The following NWD1 variants were observed in gnomAD, a reference collection of about 807,000 sequenced individuals.
NWD1 encodes NACHT and WD repeat domain containing 1, also known as NACHT domain- and WD repeat-containing protein 1.
Under a neutral mutation model 135.1 loss-of-function variants are expected in NWD1, and 129 were observed. That is an observed-to-expected ratio of 0.96 (90% CI 0.83 to 1.11). The LOEUF is 1.11. Among genes scored for constraint, NWD1 ranks in the 50% least tolerant of loss-of-function variants. The pLI is 0.00. For missense variants in NWD1, 1,740 were observed against 1,851.3 expected (o/e 0.94, Z 1.10); for synonymous variants, 773 against 786.0 (o/e 0.98, Z 0.28).
chr19:16,810,343 C>A (rs1970886326), intron 18 of NWD1, among the ~76,000 whole-genome samples: 1 of 145,924 alleles, frequency 6.9e-6, no homozygotes, highest in Admixed American at 7.3e-5. Flanking sequence ...GAGGCCGAGG[C>A]AGGAGAATCA....
chr19:16,793,111 G>T (rs1297318325), intron 14 of NWD1, among the ~76,000 whole-genome samples: 1 of 149,654 alleles, frequency 6.7e-6, no homozygotes, highest in Admixed American at 6.6e-5. Flanking sequence ...AAATCCCAAA[G>T]CTCCACATTT....
chr19:16,752,867 C>G (rs1425264790), intron 6 of NWD1, among the ~76,000 whole-genome samples: 1 of 152,148 alleles, frequency 6.6e-6, no homozygotes, highest in Non-Finnish European at 1.5e-5. Context: ...GGCGTGGTGG[C>G]TCACACCTGT....
intron 5 of NWD1, 158 bp downstream of exon 5, chr19:16,744,876 T>C (rs1968241395): frequency 1.5e-6 from 1 of 676,412 alleles, no homozygotes. Flanking sequence ...GCTGTTTTAC[T>C]GATCCAAGAT....
chr19:16,798,088 G>A (rs1311218803), intron 16 of NWD1, among the ~76,000 whole-genome samples: 3 of 152,128 alleles, frequency 2.0e-5, no homozygotes, highest in African/African-American at 7.2e-5. Flanking sequence ...TTCAACAAAG[G>A]AGGTAGCATT....
intron 10 of NWD1, among the ~76,000 whole-genome samples, chr19:16,772,616 A>T (rs1337556282): frequency 6.6e-6 from 1 of 152,156 alleles, no homozygotes; most frequent in Non-Finnish European, 1.5e-5. Context: ...ATTGCACTCC[A>T]ACCTAGGTGA....
chr19:16,728,683 A>G (rs948913196), intron 2 of NWD1, among the ~76,000 whole-genome samples: 10 of 151,282 alleles, frequency 6.6e-5, no homozygotes, highest in Non-Finnish European at 1.2e-4. Context: ...AGTGGCTCAC[A>G]CCTGTAATCC....
intron 16 of NWD1, among the ~76,000 whole-genome samples, chr19:16,798,193 G>T (rs759713624): frequency 1.5e-4 from 23 of 152,158 alleles, no homozygotes; most frequent in Non-Finnish European, 3.2e-4. Flanking sequence ...GTTCAAAGTT[G>T]TCCAAGCTGG....
intron 12 of NWD1, among the ~76,000 whole-genome samples, chr19:16,788,404 C>G (rs1416397969): frequency 1.3e-5 from 2 of 150,358 alleles, no homozygotes; most frequent in Non-Finnish European, 3.0e-5. Context: ...CCCGTCTCCA[C>G]TAAAAATAGA....
intron 12 of NWD1, 112 bp from the exon 13 acceptor site, chr19:16,788,870 T>C: frequency 1.3e-6 from 1 of 750,638 alleles, no homozygotes; most frequent in Non-Finnish European, 2.3e-6. Flanking sequence ...TTCAATTCCA[T>C]CCATCTTTTC....
chr19:16,813,687 G>A (rs1970991195), intron 18 of NWD1, among the ~76,000 whole-genome samples: 3 of 150,786 alleles, frequency 2.0e-5, no homozygotes, highest in African/African-American at 7.4e-5. Context: ...ATGTTGGCCA[G>A]GCTGGTCTTG....
At chr19:16,812,171 G>A (rs1456629840) in intron 18 of NWD1, among the ~76,000 whole-genome samples, 2 of 151,942 alleles carry the variant, frequency 1.3e-5, no homozygotes, top group Non-Finnish European at 2.9e-5. Flanking sequence ...AGCCAGGTGT[G>A]GTGGCACACA....
chr19:16,790,009 T>A (rs10415430), intron 13 of NWD1, among the ~76,000 whole-genome samples: 51 of 152,288 alleles, frequency 3.3e-4, no homozygotes, highest in African/African-American at 1.1e-3. Context: ...TGAGCCATCA[T>A]GCCTAGCTTG....
At chr19:16,724,289 T>C (rs987634057) in intron 1 of NWD1, 77 bp from the exon 2 acceptor site, 2 of 152,242 alleles carry the variant, frequency 1.3e-5, no homozygotes, top group African/African-American at 4.8e-5. Context: ...TTAATTTTGA[T>C]CTGCTAACAC....
At chr19:16,768,462 A>C (rs8104526) in intron 10 of NWD1, among the ~76,000 whole-genome samples, 71,727 of 152,092 alleles carry the variant, frequency 0.47, 19,289 homozygotes, top group African/African-American at 0.74. Context: ...GATCACATGG[A>C]AATTTTGTGT....
At chr19:16,766,016 C>CAA (rs35265751) in intron 10 of NWD1, among the ~76,000 whole-genome samples, 30 of 91,726 alleles carry the variant, frequency 3.3e-4, no homozygotes, top group Admixed American at 2.1e-3. Flanking sequence ...GACTCCGTCT[C>CAA]AAAAAAAAAA....
intron 12 of NWD1, among the ~76,000 whole-genome samples, chr19:16,786,031 A>G (rs1970029151): frequency 6.6e-6 from 1 of 151,762 alleles, no homozygotes; most frequent in African/African-American, 2.4e-5. Flanking sequence ...CACCCAGCTA[A>G]TTTTTGTATT....
intron 14 of NWD1, among the ~76,000 whole-genome samples, chr19:16,793,242 T>C (rs1970307407): frequency 6.6e-6 from 1 of 151,978 alleles, no homozygotes; most frequent in Non-Finnish European, 1.5e-5. Context: ...GATATTTTGT[T>C]TTGTTTTTTG....
intron 18 of NWD1, among the ~76,000 whole-genome samples, chr19:16,809,632 A>G (rs1198837062): frequency 1.4e-5 from 2 of 143,828 alleles, no homozygotes; most frequent in Non-Finnish European, 3.0e-5. Flanking sequence ...TCGGCTCACT[A>G]CAAGCTCTGC....
chr19:16,808,584 TG>T (rs1387735649), intron 18 of NWD1, among the ~76,000 whole-genome samples: 3 of 151,374 alleles, frequency 2.0e-5, no homozygotes, highest in African/African-American at 7.3e-5. Flanking sequence ...GTGAGGCATT[TG>T]TCTCAGAAGC....
Sources: allele counts gnomAD v4.1 joint callset (sites outside exome capture counted in the v4.1 genomes callset), GRCh38; gene constraint gnomAD v4.1.1; transcripts MANE v1.5; gene names NCBI Gene and HGNC (gene_info 2026-07-23, HGNC 2026-07-21).